The following KIFAP3 variants were observed in gnomAD, a reference collection of about 807,000 sequenced individuals.
KIFAP3 encodes kinesin-associated protein 3.
KIFAP3 carries 68 observed loss-of-function variants against 106.5 expected under a neutral mutation model. That is an observed-to-expected ratio of 0.64 (90% CI 0.53 to 0.78). KIFAP3 has a LOEUF of 0.78. KIFAP3 is among the 30% of genes least tolerant of loss of function. The pLI is 0.00. For synonymous variants in KIFAP3, 320 were observed against 311.5 expected, an observed-to-expected ratio of 1.03 and a Z score of -0.29; for missense variants, 780 against 941.8, an observed-to-expected ratio of 0.83 and a Z score of 2.25.
chr1:170,058,495 T>C (rs1030944845), intron 1 of KIFAP3, among the ~76,000 whole-genome samples: 2 of 152,138 alleles, frequency 1.3e-5, no homozygotes, highest in South Asian at 2.1e-4. Flanking sequence ...TCAGAGCATA[T>C]GAATTCATTT....
In KIFAP3 at chr1:170,074,416, G is replaced by A; in HGVS notation, c.32+20C>T. 1 of 1,613,736 alleles carries A rather than the reference G, an allele frequency of 6.2e-7. No homozygotes were observed. The highest frequency in any genetic ancestry group is 8.5e-7 in the Non-Finnish European group (1 of 1,179,856). ...GGGCCCTGGCAAGGAGGGTAGGACA[G>A]AGCCTTGGGGAGTCGTCACCTTTTG... On this transcript the variant is annotated intron_variant, in intron 1 of 19. Transcript: ENST00000361580.
chr1:170,067,532 A>G (rs142493011), intron 1 of KIFAP3: 3 of 152,390 alleles, frequency 2.0e-5, no homozygotes, highest in Non-Finnish European at 4.4e-5. Context: ...TCTCAAGCAC[A>G]GTGGCAGTCT....
In KIFAP3 at chr1:169,954,026, T is replaced by C; in HGVS notation, c.2258A>G (p.His753Arg). Residue 753 changes from histidine to arginine, a missense_variant, in exon 19 of 20, where the codon CAT becomes CGT. Transcript: ENST00000361580. ...AACTGTTTACCTGCCAGGAAATGAA[T>C]GCTGCCCAACAACATCTCCATTTTG... ...HLQNGDVVGQ[H>R]SFPGSLGMDG... 6.2e-7 allele frequency: 1 copy of C among 1,612,582 alleles called. No individual in the cohort carries two copies. Among genetic ancestry groups the C allele is most frequent in the Non-Finnish European group, 8.5e-7 (1 of 1,178,664 alleles).
rs535021170 is a variant in KIFAP3, at chr1:170,019,299, AAAG to A, written c.1021-2678_1021-2676del. Reference sequence around the variant, plus strand: ...CTACACAAATCCTTCCAGAAAAATTAAAGAAGAAGGGATGCTTCCCAGTTCATT... The same window carrying A: ...CTACACAAATCCTTCCAGAAAAATTAAAGAAGGGATGCTTCCCAGTTCATT... On this transcript the variant is annotated intron_variant, in intron 9 of 19. Coordinates refer to ENST00000361580, the MANE Select transcript of KIFAP3 (RefSeq NM_014970.4). 5.3e-4 allele frequency among the ~76,000 whole-genome samples: 80 copies of A among 152,260 alleles called. No homozygotes were observed. In the East Asian group the frequency reaches 9.5e-3, roughly 18 times the overall value.
At chr1:170,001,465 G>C (rs546476412) in intron 10 of KIFAP3, among the ~76,000 whole-genome samples, 3 of 152,242 alleles carry the variant, frequency 2.0e-5, no homozygotes, top group African/African-American at 7.2e-5. Context: ...ATAACTTCAA[G>C]CAATCTTGAT....
chr1:169,964,007 G>C (rs935365516), intron 17 of KIFAP3, among the ~76,000 whole-genome samples: 1 of 152,020 alleles, frequency 6.6e-6, no homozygotes, highest in African/African-American at 2.4e-5. Context: ...CTTTACGTCA[G>C]TTAAATCTGA....
Position 169,982,730 on chromosome 1 carries a change from A to T in KIFAP3, c.1644T>A (p.Val548=), listed in dbSNP as rs746234439. 1 of 1,608,016 alleles carries T rather than the reference A, an allele frequency of 6.2e-7. No individual in the cohort carries two copies. The highest frequency in any genetic ancestry group is 8.5e-7 in the Non-Finnish European group (1 of 1,176,848). ...WELVLKEYKL[V]PYLKDKLKPG... Reference sequence around the variant, plus strand: ...GTTTTAGTTTATCCTTGAGGTATGGAACCAACTTATATTCTTTAAGAACCA... The same window carrying T: ...GTTTTAGTTTATCCTTGAGGTATGGTACCAACTTATATTCTTTAAGAACCA... Residue 548 remains valine, a synonymous_variant, in exon 14 of 20, where the codon GTT becomes GTA. Transcript: ENST00000361580.
At position 169,941,668 on chromosome 1, in the gene KIFAP3, T is replaced by C. The variant is rs758251578; in HGVS notation, c.2273+12343A>G. On this transcript the variant is annotated intron_variant, in intron 19 of 19. Transcript: ENST00000361580. ...CCTAATATAAATATACAATAAAATA[T>C]ATTTATCAATGACTATCACCCAAGA... 1.2e-3 allele frequency among the ~76,000 whole-genome samples: 184 copies of C among 152,292 alleles called. 1 individual carries two copies. Among genetic ancestry groups the C allele is most frequent in the Non-Finnish European group, 2.2e-3 (148 of 68,024 alleles).
In KIFAP3 at chr1:170,042,827, G is replaced by A. The variant is rs540999617; in HGVS notation, c.320-3539C>T. ...CCTGACATAATTTTCCGCTTTTGTGGGTAGCTTCGAGGCTAGTGACCTGAG... is the reference window on the plus strand; with the variant it reads ...CCTGACATAATTTTCCGCTTTTGTGAGTAGCTTCGAGGCTAGTGACCTGAG... On this transcript the variant is annotated intron_variant, in intron 3 of 19. Coordinates refer to ENST00000361580, the MANE Select transcript of KIFAP3 (RefSeq NM_014970.4). Among the ~76,000 whole-genome samples, 30 of 152,214 alleles carry A rather than the reference G, an allele frequency of 2.0e-4. 1 individual carries two copies. In the South Asian group the frequency reaches 6.2e-3, roughly 32 times the overall value.
chr1:170,045,609 A>G (rs950189943), intron 3 of KIFAP3, among the ~76,000 whole-genome samples: 2 of 152,220 alleles, frequency 1.3e-5, no homozygotes, highest in African/African-American at 4.8e-5. Context: ...AAAAGAAACT[A>G]TAGTATACCT....
chr1:169,981,093 C>T (rs1182180477), intron 15 of KIFAP3, among the ~76,000 whole-genome samples: 1 of 152,132 alleles, frequency 6.6e-6, no homozygotes, highest in East Asian at 1.9e-4. Context: ...AAGAGCAAAA[C>T]TATGTCTCAA....
intron 18 of KIFAP3, among the ~76,000 whole-genome samples, chr1:169,958,468 G>A (rs761284452): frequency 2.6e-5 from 4 of 151,960 alleles, no homozygotes; most frequent in Admixed American, 6.6e-5. Context: ...AAATTGTGAC[G>A]GTATGGGAGA....
In KIFAP3 at chr1:169,985,964, C is replaced by G. The variant is rs16862889; in HGVS notation, c.1285-1274G>C. ...TAGTCTTCTATTATTGTCAAATCAG[C>G]AAATTAACTTAGTGTATAGTACATA... On this transcript the variant is annotated intron_variant, in intron 11 of 19. Coordinates refer to ENST00000361580, the MANE Select transcript of KIFAP3 (RefSeq NM_014970.4). Among the ~76,000 whole-genome samples, 1,087 of 151,874 alleles carry G rather than the reference C, an allele frequency of 7.2e-3. 50 individuals are homozygous for G. Among genetic ancestry groups the G allele is most frequent in the Admixed American group, 0.064 (975 of 15,212 alleles).
chr1:170,034,026 A>G (rs1294357417), intron 7 of KIFAP3, among the ~76,000 whole-genome samples: 1 of 151,840 alleles, frequency 6.6e-6, no homozygotes, highest in Non-Finnish European at 1.5e-5. Context: ...ACAGAAGTAT[A>G]TAAGCAGCAG....
In KIFAP3 at chr1:170,039,737, A is replaced by C. The variant is rs1451794837; in HGVS notation, c.320-449T>G. Among the ~76,000 whole-genome samples, 8 of 152,294 alleles carry C rather than the reference A, an allele frequency of 5.3e-5. No homozygotes were observed. In the East Asian group the frequency reaches 1.5e-3, roughly 29 times the overall value. On this transcript the variant is annotated intron_variant, in intron 3 of 19. Transcript: ENST00000361580. Reference sequence around the variant, plus strand: ...AAAGAAAAAAAAATTGGTAAATTTAAAACCTAAGATATAGAATAGTTGCTA... The same window carrying C: ...AAAGAAAAAAAAATTGGTAAATTTACAACCTAAGATATAGAATAGTTGCTA...
chr1:169,921,712 G>A lies in KIFAP3; in HGVS notation c.2343C>T (p.Arg781=), dbSNP rs772832933. Residue 781 remains arginine (R), a synonymous_variant, in exon 20 of 20, where the codon CGC becomes CGT. Transcript: ENST00000361580. ...AGCCATAGTAGTAAGGTTCATCAGG[G>A]CGGAATCCATATGCTGTGGCAGGGC... ...LGRPATAYGF[R]PDEPYYYGYG... 2 of 1,613,612 alleles carry A rather than the reference G, an allele frequency of 1.2e-6. No individual in the cohort carries two copies. Among genetic ancestry groups the A allele is most frequent in the African/African-American group, 2.7e-5 (2 of 74,888 alleles).
intron 1 of KIFAP3, among the ~76,000 whole-genome samples, chr1:170,069,239 T>C (rs924637209): frequency 1.2e-4 from 18 of 152,002 alleles, no homozygotes; most frequent in African/African-American, 4.1e-4. Context: ...TTTCAACAAG[T>C]CCAGTACCAG....
intron 1 of KIFAP3, among the ~76,000 whole-genome samples, chr1:170,061,350 A>G (rs952149499): frequency 6.6e-6 from 1 of 152,270 alleles, no homozygotes; most frequent in African/African-American, 2.4e-5. Context: ...AAAGTGGGTG[A>G]AGGATATGAA....
At position 170,038,368 on chromosome 1, in the gene KIFAP3, G is replaced by A; in HGVS notation, c.439C>T (p.Pro147Ser). The A allele has an allele frequency of 6.2e-7, 1 of 1,608,184 alleles. No homozygotes were observed. Among genetic ancestry groups the A allele is most frequent in the Non-Finnish European group, 8.5e-7 (1 of 1,178,470 alleles). ...EYIELLYEDI[P>S]DKVRGSALIL... ...AAAGCAGAACCCCGAACTTTGTCAGGAATATCTTCATATAATAACTCAATA... is the reference window on the plus strand; with the variant it reads ...AAAGCAGAACCCCGAACTTTGTCAGAAATATCTTCATATAATAACTCAATA... The change falls in exon 5 of 20, where the codon CCT becomes TCT. Residue 147 changes from proline to serine, a missense_variant. Pro to Ser is a moderately conservative substitution (Grantham distance 74). Transcript: ENST00000361580.
Sources: allele counts gnomAD v4.1 joint callset (sites outside exome capture counted in the v4.1 genomes callset), GRCh38; gene constraint gnomAD v4.1.1; transcripts MANE v1.5; gene names NCBI Gene and HGNC (gene_info 2026-07-23, HGNC 2026-07-21).